Variants in ATXN1 observed in about 807,000 individuals in gnomAD.
The protein encoded by ATXN1 is ataxin-1.
Under a neutral mutation model 56.4 loss-of-function variants are expected in ATXN1, and 8 were observed. The observed-to-expected ratio is 0.14, with a 90% CI of 0.08 to 0.26. The LOEUF (loss-of-function observed/expected upper bound fraction) is 0.26. Ranked by LOEUF, ATXN1 falls within the 10% of genes least tolerant of loss-of-function variation. ATXN1 has a pLI of 1.00. For missense variants in ATXN1, 987 were observed against 1,106.5 expected (o/e 0.89, Z 1.53); for synonymous variants, 514 against 494.6 (o/e 1.04, Z -0.52).
intron 7 of ATXN1, among the ~76,000 whole-genome samples, chr6:16,309,338 C>A (rs1760333214): frequency 6.6e-6 from 1 of 151,726 alleles, no homozygotes; most frequent in Non-Finnish European, 1.5e-5. Context: ...ATGCAATGAG[C>A]TTTCCAGTTG....
At chr6:16,698,785 T>A (rs573317691) in intron 2 of ATXN1, among the ~76,000 whole-genome samples, 1 of 152,016 alleles carries the variant, frequency 6.6e-6, no homozygotes, top group East Asian at 1.9e-4. Flanking sequence ...GTTGTAGGAG[T>A]GGTCATTTAA....
At chr6:16,552,344 G>A (rs566675402) in intron 4 of ATXN1, among the ~76,000 whole-genome samples, 1 of 152,264 alleles carries the variant, frequency 6.6e-6, no homozygotes, top group South Asian at 2.1e-4. Flanking sequence ...CCCCCATAAA[G>A]ACAGGTGAAG....
chr6:16,347,791 G>C (rs1418622170), intron 6 of ATXN1, among the ~76,000 whole-genome samples: 1 of 152,222 alleles, frequency 6.6e-6, no homozygotes, highest in African/African-American at 2.4e-5. Context: ...CAGAACATGG[G>C]TAGGGCCAGA....
chr6:16,690,550 T>C (rs534537272), intron 2 of ATXN1, among the ~76,000 whole-genome samples: 1 of 152,310 alleles, frequency 6.6e-6, no homozygotes, highest in South Asian at 2.1e-4. Flanking sequence ...GATGATATGT[T>C]ATAAACCAGG....
At chr6:16,329,419 C>T (rs1350836168) in intron 6 of ATXN1, among the ~76,000 whole-genome samples, 1 of 152,188 alleles carries the variant, frequency 6.6e-6, no homozygotes. Context: ...CAAACACACA[C>T]ACACACGCCA....
chr6:16,632,204 T>C (rs1402455556), intron 3 of ATXN1, among the ~76,000 whole-genome samples: 3 of 152,144 alleles, frequency 2.0e-5, no homozygotes, highest in Non-Finnish European at 4.4e-5. Context: ...CCTCAGCCAC[T>C]GGCACCATGT....
intron 6 of ATXN1, among the ~76,000 whole-genome samples, chr6:16,441,900 A>C (rs1469373679): frequency 1.3e-5 from 2 of 152,214 alleles, no homozygotes; most frequent in Non-Finnish European, 2.9e-5. Flanking sequence ...AAAACCCAAC[A>C]TAACACTGTA....
At chr6:16,542,277 A>G (rs554300952) in intron 4 of ATXN1, among the ~76,000 whole-genome samples, 1 of 152,344 alleles carries the variant, frequency 6.6e-6, no homozygotes, top group South Asian at 2.1e-4. Context: ...TTCACTCCAG[A>G]TGAGATTTCA....
rs542201666 is a variant in ATXN1 at position 16,409,652 on chromosome 6, C to CAA, written c.-161+76318_-161+76319dup. ...TGGGCAATAGAGTAAGACTAGGTCT[C>CAA]AAAAAAAAAAAAAAAAAAGAACTCG... On this transcript the variant is annotated intron_variant, in intron 6 of 7. Coordinates refer to ENST00000436367, the MANE Select transcript of ATXN1 (RefSeq NM_001128164.2). Among the ~76,000 whole-genome samples the CAA allele has an allele frequency of 8.0e-3, 844 of 105,894 alleles. 12 individuals carry two copies. The highest frequency in any genetic ancestry group is 0.021 in the East Asian group (42 of 2,024). The allele number at this position is 105,894 out of a possible 152,430, so 69.5% of individuals were successfully genotyped here.
chr6:16,620,222 T>A (rs1472841580), intron 3 of ATXN1, among the ~76,000 whole-genome samples: 4 of 151,262 alleles, frequency 2.6e-5, no homozygotes, highest in African/African-American at 9.8e-5. Flanking sequence ...AAATGTTAAA[T>A]ATTCACATAC....
At chr6:16,454,125 C>CAA (rs56277549) in intron 6 of ATXN1, among the ~76,000 whole-genome samples, 1,054 of 76,484 alleles carry the variant, frequency 0.014, 165 homozygotes, top group East Asian at 0.082. Context: ...GACTCTGTCT[C>CAA]AAAAAAAAAA....
chr6:16,482,927 A>G (rs1450776868), intron 6 of ATXN1, among the ~76,000 whole-genome samples: 1 of 152,222 alleles, frequency 6.6e-6, no homozygotes. Context: ...TAAGGCTGAT[A>G]CTTTATGCAA....
At chr6:16,477,642 C>G (rs1561717073) in intron 6 of ATXN1, among the ~76,000 whole-genome samples, 1 of 152,206 alleles carries the variant, frequency 6.6e-6, no homozygotes, top group African/African-American at 2.4e-5. Context: ...CAAACATCTA[C>G]TCATGTCTCC....
chr6:16,501,432 C>G (rs1291696296), intron 5 of ATXN1, among the ~76,000 whole-genome samples: 2 of 152,008 alleles, frequency 1.3e-5, no homozygotes, highest in African/African-American at 4.8e-5. Flanking sequence ...GGTTTTAAGC[C>G]CCTCATGCAT....
intron 4 of ATXN1, among the ~76,000 whole-genome samples, chr6:16,528,744 A>C (rs1349325107): frequency 6.6e-6 from 1 of 152,222 alleles, no homozygotes. Context: ...AAGGCTCAAG[A>C]AAAGTAACCT....
chr6:16,717,084 G>A (rs1358483579), intron 2 of ATXN1, among the ~76,000 whole-genome samples: 1 of 152,240 alleles, frequency 6.6e-6, no homozygotes, highest in Non-Finnish European at 1.5e-5. Context: ...ACTGAAGAAA[G>A]ATAATTACTA....
chr6:16,366,713 G>A (rs2113483650), intron 6 of ATXN1, among the ~76,000 whole-genome samples: 1 of 128,508 alleles, frequency 7.8e-6, no homozygotes, highest in African/African-American at 2.9e-5. Flanking sequence ...CCCGGGAGGT[G>A]GAGGTTGCAG....
chr6:16,388,839 T>A (rs538464549), intron 6 of ATXN1, among the ~76,000 whole-genome samples: 1 of 152,350 alleles, frequency 6.6e-6, no homozygotes, highest in South Asian at 2.1e-4. Context: ...ATAGGCTTGC[T>A]GCAAAGATAA....
At chr6:16,487,818 G>A (rs1453062397) in intron 5 of ATXN1, among the ~76,000 whole-genome samples, 1 of 152,076 alleles carries the variant, frequency 6.6e-6, no homozygotes, top group African/African-American at 2.4e-5. Flanking sequence ...TTAGAAGGAG[G>A]GTCTCAGGAA....
Sources: allele counts gnomAD v4.1 joint callset (sites outside exome capture counted in the v4.1 genomes callset), GRCh38; gene constraint gnomAD v4.1.1; transcripts MANE v1.5; gene names NCBI Gene and HGNC (gene_info 2026-07-23, HGNC 2026-07-21).